Variants in TEX11 observed in about 807,000 individuals in gnomAD.
The protein encoded by TEX11 is testis expressed 11.
Under a neutral mutation model 84.4 loss-of-function variants are expected in TEX11, and 7 were observed. The ratio of observed to expected loss-of-function variants is 0.08; its 90% CI spans 0.05 to 0.16. The LOEUF (loss-of-function observed/expected upper bound fraction) is 0.16, where lower values mean the gene tolerates loss of function less well. Among genes scored for constraint, TEX11 ranks in the 10% least tolerant of loss-of-function variants. The pLI is 1.00. For synonymous variants in TEX11, 264 were observed against 222.8 expected, an observed-to-expected ratio of 1.18 and a Z score of -1.64; for missense variants, 551 against 660.5, an observed-to-expected ratio of 0.83 and a Z score of 1.82.
intron 11 of TEX11, among the ~76,000 whole-genome samples, chrX:70,736,553 A>G (rs761689002): frequency 1.8e-5 from 2 of 110,926 alleles, no homozygotes; most frequent in South Asian, 7.6e-4. Flanking sequence ...AAAAAAAAAA[A>G]AAGTTTGTGT....
chrX:70,703,598 T>G (rs780755156), intron 13 of TEX11, among the ~76,000 whole-genome samples: 8 of 111,566 alleles, frequency 7.2e-5, no homozygotes, highest in Non-Finnish European at 1.1e-4. Context: ...CCTATACTGG[T>G]GTTAGTGGGG....
At chrX:70,757,499 G>A (rs1274505600) in intron 9 of TEX11, among the ~76,000 whole-genome samples, 1 of 111,659 alleles carries the variant, frequency 9.0e-6, no homozygotes, top group Non-Finnish European at 1.9e-5. Context: ...TTTCAACCCA[G>A]AATTTCATAT....
chrX:70,568,560 T>C (rs2088532160), intron 25 of TEX11, among the ~76,000 whole-genome samples: 1 of 111,391 alleles, frequency 9.0e-6, no homozygotes, highest in African/African-American at 3.3e-5. Context: ...TTCCTTTCCA[T>C]GTTTAGTGCT....
chrX:70,766,853 T>G, intron 9 of TEX11, among the ~76,000 whole-genome samples: 1 of 111,885 alleles, frequency 8.9e-6, no homozygotes, highest in Non-Finnish European at 1.9e-5. Flanking sequence ...ATTTTGAGTG[T>G]CAAGCACATA....
At chrX:70,669,804 T>C (rs2147635801) in intron 16 of TEX11, among the ~76,000 whole-genome samples, 1 of 112,769 alleles carries the variant, frequency 8.9e-6, no homozygotes, top group Admixed American at 9.4e-5. Flanking sequence ...ATTACGTGCA[T>C]ACCATATGAT....
At chrX:70,895,086 C>T (rs1435771156) in intron 2 of TEX11, among the ~76,000 whole-genome samples, 1 of 111,298 alleles carries the variant, frequency 9.0e-6, no homozygotes, top group East Asian at 2.8e-4. Context: ...AGAGAGGAAG[C>T]CAAATTATCT....
At chrX:70,566,466 C>T (rs1193863872) in intron 25 of TEX11, among the ~76,000 whole-genome samples, 1 of 110,505 alleles carries the variant, frequency 9.0e-6, no homozygotes, top group African/African-American at 3.3e-5. Flanking sequence ...TGAGAGAGGG[C>T]ATCCCTCTCT....
chrX:70,871,190 G>A (rs2091628065), intron 4 of TEX11, among the ~76,000 whole-genome samples: 1 of 112,709 alleles, frequency 8.9e-6, no homozygotes, highest in African/African-American at 3.2e-5. Flanking sequence ...TGGGATTATA[G>A]GCGTGAGCCA....
At chrX:70,832,820 T>C (rs2091383973) in intron 8 of TEX11, among the ~76,000 whole-genome samples, 1 of 112,240 alleles carries the variant, frequency 8.9e-6, no homozygotes, top group African/African-American at 3.2e-5. Context: ...AATCCCAGTA[T>C]AGAAAAATAC....
chrX:70,706,363 G>A (rs982524235), intron 13 of TEX11, among the ~76,000 whole-genome samples: 2 of 109,946 alleles, frequency 1.8e-5, no homozygotes, highest in Admixed American at 2.0e-4. Flanking sequence ...TGTAAATGAC[G>A]AGTTAATGGG....
In TEX11 at chrX:70,853,098, A is replaced by C; in HGVS notation, c.461T>G (p.Leu154Trp). 8.3e-7 allele frequency: 1 copy of C among 1,209,618 alleles called. No individual in the cohort carries two copies. The highest frequency in any genetic ancestry group is 1.8e-5 in the South Asian group (1 of 56,651). ...CTCAACAGTAATCTTCTCCATGGTC[A>C]AGTCAGCCTCAGGGGAGCTCCTTTG... ...LIQRSSPEAD[L>W]TMEKITVESD... is the part of the protein sequence containing the mutation. Residue 154 changes from leucine to tryptophan, a missense_variant, in exon 7 of 30, where the codon TTG becomes TGG. Leu to Trp is a moderately conservative substitution (Grantham distance 61). Transcript: ENST00000374333.
chrX:70,726,806 C>T (rs1347829900), intron 11 of TEX11, among the ~76,000 whole-genome samples: 1 of 108,447 alleles, frequency 9.2e-6, no homozygotes, highest in African/African-American at 3.4e-5. Context: ...GCAGGGATTA[C>T]AGGCATGAGC....
At chrX:70,888,920 C>T (rs1230661230) in intron 2 of TEX11, among the ~76,000 whole-genome samples, 1 of 111,133 alleles carries the variant, frequency 9.0e-6, no homozygotes, top group Non-Finnish European at 1.9e-5. Context: ...CCAGGAGAGA[C>T]TGGCATGACA....
At chrX:70,568,464 A>C (rs1246510117) in intron 25 of TEX11, among the ~76,000 whole-genome samples, 9 of 107,656 alleles carry the variant, frequency 8.4e-5, no homozygotes, top group Admixed American at 3.0e-4. Context: ...TTAGCTGGTT[A>C]TTTTGCTCGT....
intron 8 of TEX11, among the ~76,000 whole-genome samples, chrX:70,822,388 T>C (rs1443582329): frequency 9.0e-6 from 1 of 111,050 alleles, no homozygotes; most frequent in Admixed American, 9.6e-5. Context: ...ACCCAAGATA[T>C]GGAAACAACC....
At chrX:70,775,786 C>T (rs1278451528) in intron 9 of TEX11, among the ~76,000 whole-genome samples, 10 of 11,591 alleles carry the variant, frequency 8.6e-4, no homozygotes, top group Admixed American at 2.7e-3. Flanking sequence ...GGTGACAGAG[C>T]GAGACTCCGT....
intron 13 of TEX11, among the ~76,000 whole-genome samples, chrX:70,691,073 A>T (rs1227107116): frequency 8.9e-6 from 1 of 112,201 alleles, no homozygotes; most frequent in African/African-American, 3.2e-5. Flanking sequence ...TAGCCAAAAG[A>T]TATTAAAAAG....
At chrX:70,742,054 A>G (rs1431679451) in intron 10 of TEX11, among the ~76,000 whole-genome samples, 1 of 111,692 alleles carries the variant, frequency 9.0e-6, no homozygotes, top group Admixed American at 9.7e-5. Context: ...CAAAGTAAAC[A>G]CATGTATGTT....
chrX:70,752,483 C>G (rs1390221662), intron 9 of TEX11, among the ~76,000 whole-genome samples: 5 of 96,483 alleles, frequency 5.2e-5, no homozygotes, highest in Non-Finnish European at 1.0e-4. Context: ...CGAGATGGCA[C>G]CACTGCATCC....
Sources: allele counts gnomAD v4.1 joint callset (sites outside exome capture counted in the v4.1 genomes callset), GRCh38; gene constraint gnomAD v4.1.1; transcripts MANE v1.5; gene names NCBI Gene and HGNC (gene_info 2026-07-23, HGNC 2026-07-21).